Variants in SPATA1 observed in about 807,000 individuals in gnomAD.
The protein encoded by SPATA1 is spermatogenesis associated 1.
A neutral mutation model predicts 59.6 loss-of-function variants in SPATA1; 57 were observed. The ratio of observed to expected loss-of-function variants is 0.96; its 90% confidence interval spans 0.77 to 1.19. The LOEUF (loss-of-function observed/expected upper bound fraction) is 1.19, where lower values mean the gene tolerates loss of function less well. SPATA1 is among the 50% of genes most tolerant of loss of function. SPATA1 has a pLI of 0.00. For missense variants in SPATA1, 448 were observed against 480.7 expected (o/e 0.93, Z 0.64); for synonymous variants, 147 against 163.9 (o/e 0.90, Z 0.79).
Position 84,535,375 on chromosome 1 carries a change from A to C in SPATA1, c.717+1609A>C, listed in dbSNP as rs184248867. 3.2e-3 allele frequency among the ~76,000 whole-genome samples: 486 copies of C among 152,246 alleles called. 1 individual carries two copies. The highest frequency in any genetic ancestry group is 6.3e-3 in the Admixed American group (96 of 15,284). The stretch of plus-strand genomic sequence containing the variant: ...AATCAGCTTGTCAATTTCTTACCAA[A>C]AGACTACTGGAATTTTGAGTGAAAT... On this transcript the variant is annotated intron_variant, in intron 8 of 12. Transcript: ENST00000490879.
chr1:84,515,328 CTAATT>C (rs1233385264), intron 1 of SPATA1, among the ~76,000 whole-genome samples: 4 of 151,942 alleles, frequency 2.6e-5, no homozygotes, highest in East Asian at 1.9e-4. Flanking sequence ...ATGTGTAAAA[CTAATT>C]TAAGGAGACT....
At chr1:84,532,195 G>A (rs1288095984) in intron 6 of SPATA1, among the ~76,000 whole-genome samples, 2 of 152,154 alleles carry the variant, frequency 1.3e-5, no homozygotes, top group Admixed American at 6.5e-5. Context: ...TTTGGCAAAC[G>A]GTTTGTAAAG....
intron 6 of SPATA1, among the ~76,000 whole-genome samples, chr1:84,531,281 G>A (rs1440019814): frequency 6.6e-6 from 1 of 151,950 alleles, no homozygotes; most frequent in African/African-American, 2.4e-5. Flanking sequence ...TCCTGCCCCA[G>A]CCTCCCGAGT....
intron 10 of SPATA1, among the ~76,000 whole-genome samples, chr1:84,547,459 A>G (rs1025778743): frequency 2.6e-5 from 4 of 152,198 alleles, no homozygotes; most frequent in African/African-American, 9.6e-5. Flanking sequence ...CCATGCCCAT[A>G]AGGAGCTTGC....
At chr1:84,518,487 T>G (rs1682884842) in intron 2 of SPATA1, among the ~76,000 whole-genome samples, 1 of 152,088 alleles carries the variant, frequency 6.6e-6, no homozygotes, top group Non-Finnish European at 1.5e-5. Flanking sequence ...CTCTTTTTAT[T>G]TATATGTATG....
At chr1:84,532,762 C>G (rs6690204) in intron 6 of SPATA1, 98 bp from the exon 7 acceptor site, 213,339 of 701,858 alleles carry the variant, frequency 0.3, 37,255 homozygotes, top group African/African-American at 0.62. Context: ...CTGAAATCTA[C>G]GATAAGATTA....
At chr1:84,563,619 T>C in intron 4 of SPATA1, 1 of 695,344 alleles carries the variant, frequency 1.4e-6, no homozygotes, top group African/African-American at 1.9e-5. Context: ...AATAAATAAT[T>C]TTTATCTCAA....
intron 10 of SPATA1, among the ~76,000 whole-genome samples, chr1:84,547,879 A>T (rs978007324): frequency 2.6e-5 from 4 of 152,204 alleles, no homozygotes; most frequent in African/African-American, 4.8e-5. Flanking sequence ...ATATGATTTT[A>T]AAAAATATTT....
exon 5 of SPATA1, chr1:84,566,109 C>A: frequency 1.6e-6 from 1 of 636,592 alleles, no homozygotes; most frequent in Non-Finnish European, 2.3e-6. Flanking sequence ...TTATACTACA[C>A]AAGGAAAAGG....
At chr1:84,518,504 AT>A in intron 2 of SPATA1, among the ~76,000 whole-genome samples, 1 of 152,080 alleles carries the variant, frequency 6.6e-6, no homozygotes, top group East Asian at 1.9e-4. Context: ...TATGTTTAAA[AT>A]TTTTCATATT....
At chr1:84,512,750 C>A (rs528153474) in intron 1 of SPATA1, among the ~76,000 whole-genome samples, 4 of 152,318 alleles carry the variant, frequency 2.6e-5, no homozygotes, top group Admixed American at 2.6e-4. Flanking sequence ...TGTGATAATT[C>A]ATTTCTGTAC....
At chr1:84,513,937 G>T (rs958990639) in intron 1 of SPATA1, among the ~76,000 whole-genome samples, 4 of 149,210 alleles carry the variant, frequency 2.7e-5, no homozygotes, top group African/African-American at 1.0e-4. Context: ...CACCTCCCTG[G>T]TTCAAGCAAT....
chr1:84,557,904 C>T (rs1684495543), downstream of SPATA1, among the ~76,000 whole-genome samples: 1 of 150,562 alleles, frequency 6.6e-6, no homozygotes, highest in Non-Finnish European at 1.5e-5. Context: ...AGATTTTTTT[C>T]TAAAGTGGCA....
chr1:84,563,381 C>A, intron 4 of SPATA1: 2 of 1,577,560 alleles, frequency 1.3e-6, no homozygotes, highest in African/African-American at 2.7e-5. Flanking sequence ...ACAAGGAGCC[C>A]CCCGGAAAGG....
chr1:84,532,818 AC>A (rs1439722946), intron 6 of SPATA1, 41 bp from the exon 7 acceptor site: 4 of 1,328,422 alleles, frequency 3.0e-6, no homozygotes, highest in Non-Finnish European at 4.2e-6. Flanking sequence ...TATTTTCCTA[AC>A]ATTCTGAACT....
intron 8 of SPATA1, among the ~76,000 whole-genome samples, chr1:84,535,785 CTCTT>C (rs977190662): frequency 2.6e-5 from 4 of 151,742 alleles, no homozygotes; most frequent in African/African-American, 7.3e-5. Context: ...AATAGTTTTA[CTCTT>C]TCTTTCTATT....
At chr1:84,527,367 A>G (rs1183657858) in intron 6 of SPATA1, among the ~76,000 whole-genome samples, 1 of 152,102 alleles carries the variant, frequency 6.6e-6, no homozygotes, top group African/African-American at 2.4e-5. Flanking sequence ...GTGTGTGTTC[A>G]TTTTTAAAAG....
Position 84,566,118 on chromosome 1 carries a change from G to A in SPATA1, n.700G>A, listed in dbSNP as rs560236126. 33 of 561,632 alleles carry A rather than the reference G, an allele frequency of 5.9e-5. No individual in the cohort carries two copies. The South Asian group carries it at 1.8e-3, about 31-fold the overall frequency. The allele number at this position is 561,632 out of a possible 1,614,324, so 34.8% of individuals were successfully genotyped here. On this transcript the variant is annotated non_coding_transcript_exon_variant, in exon 5 of 5. Transcript: ENST00000460286. ...TTTACCTTATACTACACAAGGAAAA[G>A]GAACTGCTTACAGTATATGAATGTA...
exon 3 of SPATA1, chr1:84,520,626 G>T: frequency 6.3e-7 from 1 of 1,579,174 alleles, no homozygotes. Context: ...AAGGATCATG[G>T]AACTATAAGC....
Sources: gnomAD v4.1 joint callset for allele counts (sites outside exome capture counted in the v4.1 genomes callset) on GRCh38, gnomAD v4.1.1 for gene constraint, MANE v1.5 for transcripts, NCBI Gene and HGNC (gene_info 2026-07-23, HGNC 2026-07-21) for gene names.